The following SEM1 variants were observed in gnomAD, a reference collection of about 807,000 sequenced individuals.
SEM1 encodes SEM1 26S proteasome subunit.
In SEM1, 3 loss-of-function variants were observed where a neutral mutation model predicts 12.7. That is an observed-to-expected ratio of 0.24 (90% CI 0.11 to 0.61). The LOEUF (loss-of-function observed/expected upper bound fraction) is 0.61. Ranked by LOEUF, SEM1 falls within the 20% of genes least tolerant of loss-of-function variation. SEM1 has a pLI of 0.88. For missense variants in SEM1, 59 were observed against 81.3 expected, an observed-to-expected ratio of 0.73 and a Z score of 1.06; for synonymous variants, 30 against 27.8, an observed-to-expected ratio of 1.08 and a Z score of -0.25.
At chr7:96,600,852 G>A (rs1382348410) in intron 2 of SEM1, among the ~76,000 whole-genome samples, 1 of 152,142 alleles carries the variant, frequency 6.6e-6, no homozygotes, top group Non-Finnish European at 1.5e-5. Context: ...TTTCTGGATG[G>A]AGCAAGTTTG....
chr7:96,697,431 A>T (rs562030728), intron 1 of SEM1: 7 of 152,198 alleles, frequency 4.6e-5, no homozygotes, highest in African/African-American at 1.7e-4. Context: ...AACTTAGAAA[A>T]TTCTTTTAAT....
chr7:96,676,538 A>G (rs1015059921), intron 2 of SEM1, among the ~76,000 whole-genome samples: 9 of 152,232 alleles, frequency 5.9e-5, no homozygotes, highest in East Asian at 3.8e-4. Flanking sequence ...AACCCTTTAC[A>G]TTCATTAACA....
chr7:96,555,987 G>T (rs1256744837), intron 2 of SEM1, among the ~76,000 whole-genome samples: 6 of 111,096 alleles, frequency 5.4e-5, no homozygotes, highest in African/African-American at 1.8e-4. Flanking sequence ...TTTAAAGTCT[G>T]TTTTATCAGA....
At chr7:96,581,382 T>C (rs1245419226) in intron 2 of SEM1, among the ~76,000 whole-genome samples, 5 of 152,074 alleles carry the variant, frequency 3.3e-5, no homozygotes, top group Non-Finnish European at 5.9e-5. Flanking sequence ...AGCCTTGTAG[T>C]ATAGTTTGAA....
chr7:96,535,505 T>G (rs2115744505), intron 2 of SEM1, among the ~76,000 whole-genome samples: 1 of 151,964 alleles, frequency 6.6e-6, no homozygotes, highest in African/African-American at 2.4e-5. Flanking sequence ...CATGTGCAGG[T>G]TTGTTATATA....
At chr7:96,507,149 G>A (rs1007291392) in intron 2 of SEM1, among the ~76,000 whole-genome samples, 2 of 152,056 alleles carry the variant, frequency 1.3e-5, no homozygotes, top group Non-Finnish European at 2.9e-5. Context: ...AACCTATGTG[G>A]TATGTGGCAA....
At chr7:96,552,783 A>G (rs1428051651) in intron 2 of SEM1, among the ~76,000 whole-genome samples, 5 of 152,084 alleles carry the variant, frequency 3.3e-5, no homozygotes, top group African/African-American at 1.2e-4. Context: ...GACTTCCACA[A>G]TGGTTGAACT....
chr7:96,580,367 CATT>C (rs1217734331), intron 2 of SEM1, among the ~76,000 whole-genome samples: 2 of 150,008 alleles, frequency 1.3e-5, no homozygotes, highest in Non-Finnish European at 3.0e-5. Context: ...TCCAGTCTAT[CATT>C]GTTGGACATT....
intron 2 of SEM1, among the ~76,000 whole-genome samples, 186 bp from the exon 3 acceptor site, chr7:96,689,152 T>C (rs1213938972): frequency 6.6e-6 from 1 of 152,152 alleles, no homozygotes; most frequent in Non-Finnish European, 1.5e-5. Context: ...AATATAATAC[T>C]ATAAAATTTT....
chr7:96,701,342 C>G (rs921311638), intron 1 of SEM1, among the ~76,000 whole-genome samples: 1 of 151,852 alleles, frequency 6.6e-6, no homozygotes, highest in Non-Finnish European at 1.5e-5. Flanking sequence ...GGGTAGGGCT[C>G]CCATGATGGG....
intron 2 of SEM1, among the ~76,000 whole-genome samples, chr7:96,586,520 C>T (rs1880512): frequency 0.54 from 82,822 of 152,124 alleles, 24,612 homozygotes; most frequent in Non-Finnish European, 0.68. Context: ...TCAATCCACA[C>T]TGGGTCTGGT....
intron 2 of SEM1, among the ~76,000 whole-genome samples, chr7:96,564,401 T>C (rs895225805): frequency 6.6e-6 from 1 of 151,960 alleles, no homozygotes; most frequent in Admixed American, 6.6e-5. Flanking sequence ...GGATTTTTAG[T>C]TGGTGATGCC....
At chr7:96,650,479 C>T in intron 2 of SEM1, 1 of 755,346 alleles carries the variant, frequency 1.3e-6, no homozygotes, top group Non-Finnish European at 2.4e-6. Context: ...CTGCAGGAGA[C>T]ACAGCCATTT....
intron 1 of SEM1, among the ~76,000 whole-genome samples, chr7:96,488,404 A>G (rs1384516856): frequency 6.6e-6 from 1 of 152,186 alleles, no homozygotes; most frequent in African/African-American, 2.4e-5. Flanking sequence ...AGTAAGAGAA[A>G]GAGTTATAAG....
At chr7:96,515,017 A>G (rs1563040612) in intron 2 of SEM1, among the ~76,000 whole-genome samples, 1 of 152,168 alleles carries the variant, frequency 6.6e-6, no homozygotes, top group African/African-American at 2.4e-5. Context: ...AGTAATCAAG[A>G]CACTATGGTA....
chr7:96,493,804 A>G (rs778134537), intron 1 of SEM1, among the ~76,000 whole-genome samples: 4 of 152,150 alleles, frequency 2.6e-5, no homozygotes, highest in Non-Finnish European at 4.4e-5. Context: ...CTTATAAACC[A>G]AGCTATTTCC....
chr7:96,551,705 C>CAA (rs56316029), intron 2 of SEM1, among the ~76,000 whole-genome samples: 9 of 84,064 alleles, frequency 1.1e-4, no homozygotes, highest in African/African-American at 3.7e-4. Flanking sequence ...GACTCTGTCT[C>CAA]AAAAAAAAAA....
At chr7:96,647,242 C>G (rs1808823676) in intron 2 of SEM1, among the ~76,000 whole-genome samples, 1 of 152,120 alleles carries the variant, frequency 6.6e-6, no homozygotes, top group African/African-American at 2.4e-5. Flanking sequence ...GTACAGGACT[C>G]AGGGTCTGGA....
chr7:96,563,262 G>T (rs1347333601), intron 2 of SEM1, among the ~76,000 whole-genome samples: 1 of 152,022 alleles, frequency 6.6e-6, no homozygotes, highest in Non-Finnish European at 1.5e-5. Flanking sequence ...GGTTGGGAAG[G>T]TATATTCTGA....
Sources: gnomAD v4.1 joint callset for allele counts (sites outside exome capture counted in the v4.1 genomes callset) on GRCh38, gnomAD v4.1.1 for gene constraint, MANE v1.5 for transcripts, NCBI Gene and HGNC (gene_info 2026-07-23, HGNC 2026-07-21) for gene names.